The following TTN variants were observed in gnomAD, a reference collection of about 807,000 sequenced individuals.
The protein encoded by TTN is titin, also known as connectin.
A neutral mutation model predicts 3,223.0 loss-of-function variants in TTN; 1,525 were observed. The ratio of observed to expected loss-of-function variants is 0.47; its 90% CI spans 0.45 to 0.49. The LOEUF (loss-of-function observed/expected upper bound fraction) is 0.49. Among genes scored for constraint, TTN ranks in the 20% least tolerant of loss-of-function variants. The probability of loss-of-function intolerance (pLI) is 0.00; values close to 1 mark genes in which losing one functional copy is unlikely to be tolerated. For synonymous variants in TTN, 14,094 were observed against 15,161.0 expected, an observed-to-expected ratio of 0.93 and a Z score of 5.17; for missense variants, 40,786 against 43,424.0, an observed-to-expected ratio of 0.94 and a Z score of 5.40.
At chr2:178,737,969 G>T in intron 49 of TTN, 113 bp downstream of exon 49, 2 of 1,376,042 alleles carry the variant, frequency 1.5e-6, no homozygotes, top group Non-Finnish European at 2.0e-6. Context: ...TACTGTCTTG[G>T]TTGTTGGTCT....
chr2:178,773,020 A>G lies in TTN; in HGVS notation c.7855+89T>C, dbSNP rs1323392843. On this transcript the variant is annotated intron_variant, in intron 33 of 362. Transcript: ENST00000589042. Reference sequence around the variant, plus strand: ...CATAAGCAGAGGCATGGAAGTGGGAAACTGAAAGGAATTTTGGGGGAAATG... The same window carrying G: ...CATAAGCAGAGGCATGGAAGTGGGAGACTGAAAGGAATTTTGGGGGAAATG... The G allele has an allele frequency of 2.0e-5, 32 of 1,566,236 alleles. No individual in the cohort carries two copies. The Admixed American group carries it at 5.3e-4, about 26-fold the overall frequency.
At position 178,570,226 on chromosome 2, in the gene TTN, A is replaced by C; in HGVS notation, c.75906T>G (p.Phe25302Leu). 1 of 1,613,444 alleles carries C rather than the reference A, an allele frequency of 6.2e-7. No individual in the cohort carries two copies. Among genetic ancestry groups the C allele is most frequent in the Non-Finnish European group, 8.5e-7 (1 of 1,179,622 alleles). ...ESEPVVAKNP[F>L]VVPDAPKAPE... is the part of the protein sequence containing the mutation. Reference sequence around the variant, plus strand: ...GAGCTTTTGGTGCATCTGGTACTACAAATGGATTCTTGGCAACTACTGGCT... The same window carrying C: ...GAGCTTTTGGTGCATCTGGTACTACCAATGGATTCTTGGCAACTACTGGCT... Residue 25302 changes from phenylalanine (F) to leucine (L), a missense_variant, in exon 326 of 363, where the codon TTT becomes TTG. Physicochemically the swap from Phe to Leu is conservative, Grantham distance 22 (BLOSUM62 0). Coordinates refer to ENST00000589042, the MANE Select transcript of TTN (RefSeq NM_001267550.2).
At position 178,574,562 on chromosome 2, in the gene TTN, G is replaced by A; in HGVS notation, c.71570C>T (p.Pro23857Leu). The A allele has an allele frequency of 6.2e-7, 1 of 1,613,444 alleles. No individual in the cohort carries two copies. Among genetic ancestry groups the A allele is most frequent in the Non-Finnish European group, 8.5e-7 (1 of 1,179,610 alleles). ...TCTTTCAACATGATATCCTAAAATG[G>A]GGCTTCCACCATCAGAAAGTGGCTC... ...WHEPLSDGGS[P>L]ILGYHVERKE... The change falls in exon 326 of 363, where the codon CCC becomes CTC. Residue 23857 changes from proline to leucine, a missense_variant. Coordinates refer to ENST00000589042, the MANE Select transcript of TTN (RefSeq NM_001267550.2).
chr2:178,693,496 A>T, intron 119 of TTN, 113 bp downstream of exon 119: 1 of 695,278 alleles, frequency 1.4e-6, no homozygotes, highest in Non-Finnish European at 2.2e-6. Context: ...TAGTGGCTAT[A>T]GGTATGCACA....
rs1249356656 is a variant in TTN, at chr2:178,663,673, T to C, written c.36486A>G (p.Lys12162=). Residue 12162 remains lysine (K), a synonymous_variant, in exon 171 of 363, where the codon AAA becomes AAG. Transcript: ENST00000589042. ...GCTCTTTAGGAGGAGCCACTGGCGC[T>C]TTCTTTTCAGGAACTACTTCTTTGG... ...EPPKEVVPEK[K]APVAPPKEPE... is the part of the protein sequence containing the mutation. 1.2e-6 allele frequency: 2 copies of C among 1,613,642 alleles called. No individual in the cohort carries two copies. The highest frequency in any genetic ancestry group is 1.7e-5 in the Admixed American group (1 of 59,944).
Position 178,581,640 on chromosome 2 carries a change from G to C in TTN, c.66628C>G (p.Gln22210Glu). 6.2e-7 allele frequency: 1 copy of C among 1,612,808 alleles called. No homozygotes were observed. The highest frequency in any genetic ancestry group is 2.2e-5 in the East Asian group (1 of 44,640). Residue 22210 changes from glutamine (Q) to glutamate (E), a missense_variant, in exon 316 of 363, where the codon CAG becomes GAG. Physicochemically the swap from Gln to Glu is conservative, Grantham distance 29 (BLOSUM62 2). Transcript: ENST00000589042. ...TCAAAGCGGGTTTTCTGTAGATTCT[G>C]TGGTAAGTTGCACCTCACCCAGTTA... ...SDNWVRCNLPQNLQKTRFEVT... is the reference protein window; with the variant it reads ...SDNWVRCNLPENLQKTRFEVT...
chr2:178,793,280 G>C lies in TTN; in HGVS notation c.1536+124C>G, dbSNP rs529498141. ...CCCAGAAATTTACACATACAACAAGGGGATCTTATTAGTATGCTAACAACC... is the reference window on the plus strand; with the variant it reads ...CCCAGAAATTTACACATACAACAAGCGGATCTTATTAGTATGCTAACAACC... On this transcript the variant is annotated intron_variant, in intron 9 of 362. Transcript: ENST00000589042. The C allele has an allele frequency of 7.2e-6, 10 of 1,396,580 alleles. No individual in the cohort carries two copies. In the East Asian group the frequency reaches 2.1e-4, roughly 29 times the overall value. 86.5% of individuals were successfully genotyped at this position (1,396,580 alleles called of 1,614,324 possible).
At position 178,624,587 on chromosome 2, in the gene TTN, T is replaced by C; in HGVS notation, c.44693A>G (p.Tyr14898Cys). ...NGTEILKSKK[Y>C]EIVADGRVRK... ...GACCCTGCCATCAGCAACAATTTCA[T>C]ACTTCTTGCTTTTGAGGATTTCTGT... is the stretch of plus-strand genomic sequence containing the variant. Residue 14898 changes from tyrosine to cysteine, a missense_variant, in exon 242 of 363, where the codon TAT (tyrosine) becomes TGT (cysteine). Physicochemically the swap from Tyr to Cys is radical, Grantham distance 194. Coordinates refer to ENST00000589042, the MANE Select transcript of TTN (RefSeq NM_001267550.2). 1 of 1,612,738 alleles carries C rather than the reference T, an allele frequency of 6.2e-7. No individual in the cohort carries two copies. Among genetic ancestry groups the C allele is most frequent in the Non-Finnish European group, 8.5e-7 (1 of 1,179,172 alleles).
At chr2:178,749,438 T>C (rs959063532) in intron 47 of TTN, 3 of 1,613,070 alleles carry the variant, frequency 1.9e-6, no homozygotes, top group Non-Finnish European at 2.5e-6. Context: ...CACCTGCTCT[T>C]TCTGGTCTAT....
Position 178,542,347 on chromosome 2 carries a change from T to A in TTN, c.97409A>T (p.Tyr32470Phe). Residue 32470 changes from tyrosine (Y) to phenylalanine (F), a missense_variant, in exon 349 of 363, where the codon TAT (tyrosine) becomes TTT (phenylalanine). Transcript: ENST00000589042. ...GTTTGTTGCAGCCACACGGAACACA[T>A]ACTCATTTCCTTCGGTGAGTCTGGT... ...KFTRLTEGNE[Y>F]VFRVAATNRF... 6.2e-7 allele frequency: 1 copy of A among 1,613,468 alleles called. No homozygotes were observed. Among genetic ancestry groups the A allele is most frequent in the Non-Finnish European group, 8.5e-7 (1 of 1,179,678 alleles).
intron 41 of TTN, among the ~76,000 whole-genome samples, chr2:178,765,913 C>T (rs1441322387): frequency 1.3e-5 from 2 of 152,100 alleles, no homozygotes; most frequent in South Asian, 2.1e-4. Context: ...TAGAGAGGAT[C>T]GAGTTCCACA....
At position 178,602,288 on chromosome 2, in the gene TTN, T is replaced by A. The variant is rs2053659265; in HGVS notation, c.55114A>T (p.Ile18372Phe). ...ACTGAGTAAGTACTAGTACCTTGAA[T>A]ATCAGTGGCAGGGATCTCCCCAGTT... ...DTTGEIPATD[I>F]QEEPEVFIDI... is the part of the protein sequence containing the mutation. Residue 18372 changes from isoleucine to phenylalanine, a missense_variant, in exon 283 of 363, where the codon ATT (isoleucine) becomes TTT (phenylalanine). Ile to Phe is a conservative substitution (Grantham distance 21). Transcript: ENST00000589042. The A allele has an allele frequency of 6.2e-7, 1 of 1,612,544 alleles. No homozygotes were observed. The highest frequency in any genetic ancestry group is 1.1e-5 in the South Asian group (1 of 90,984).
chr2:178,773,929 G>A lies in TTN; in HGVS notation c.7239C>T (p.Leu2413=), dbSNP rs1574622425. 1.2e-6 allele frequency: 2 copies of A among 1,613,946 alleles called. No individual in the cohort carries two copies. The highest frequency in any genetic ancestry group is 1.7e-6 in the Non-Finnish European group (2 of 1,179,984). Residue 2413 remains leucine (L), a synonymous_variant, in exon 31 of 363, where the codon CTC becomes CTT. Coordinates refer to ENST00000589042, the MANE Select transcript of TTN (RefSeq NM_001267550.2). ...IVIDKQSHML[L]IEDMTKEDAG... ...CATCTTCCTTAGTCATGTCTTCAAT[G>A]AGCAGCATATGAGATTGTTTGTCTA...
rs750078230 is a variant in TTN, at chr2:178,539,773, T to C, written c.98292A>G (p.Glu32764=). Residue 32764 remains glutamate, a synonymous_variant, in exon 352 of 363, where the codon GAA becomes GAG. Coordinates refer to ENST00000589042, the MANE Select transcript of TTN (RefSeq NM_001267550.2). ...AAGTGCCAGAATCACCCCTGTCTGC[T>C]TCTTTGATCACAAGCTCAGTGTGTG... is the stretch of plus-strand genomic sequence containing the variant. The part of the protein sequence containing the change: ...SETHTELVIK[E]ADRGDSGTYD... The C allele has an allele frequency of 2.2e-5, 35 of 1,613,766 alleles. No homozygotes were observed. Among genetic ancestry groups the C allele is most frequent in the Non-Finnish European group, 2.8e-5 (33 of 1,179,800 alleles).
chr2:178,537,523 C>A lies in TTN; in HGVS notation c.99684G>T (p.Met33228Ile). The change falls in exon 355 of 363, where the codon ATG (methionine) becomes ATT (isoleucine). Residue 33228 changes from methionine (M) to isoleucine (I), a missense_variant. By Grantham distance (10) the Met-to-Ile change is conservative. Transcript: ENST00000589042. ...VMYIGRPVPA[M>I]TWFHGQKLLQ... is the part of the protein sequence containing the mutation. Reference sequence around the variant, plus strand: ...AAAGTTTCTGACCATGGAACCAAGTCATGGCAGGTACTGGACGACCAATGT... The same window carrying A: ...AAAGTTTCTGACCATGGAACCAAGTAATGGCAGGTACTGGACGACCAATGT... The A allele has an allele frequency of 1.2e-6, 2 of 1,613,736 alleles. No homozygotes were observed. The highest frequency in any genetic ancestry group is 1.7e-6 in the Non-Finnish European group (2 of 1,179,758).
At chr2:178,701,702 A>C in intron 109 of TTN, 115 bp from the exon 110 acceptor site, 1 of 1,018,074 alleles carries the variant, frequency 9.8e-7, no homozygotes, top group Non-Finnish European at 1.5e-6. Context: ...CTAATGGCAG[A>C]ATCTAATATA....
Position 178,552,619 on chromosome 2 carries a change from T to G in TTN, c.90281A>C (p.Lys30094Thr). The G allele has an allele frequency of 6.2e-7, 1 of 1,613,946 alleles. No homozygotes were observed. Among genetic ancestry groups the G allele is most frequent in the Non-Finnish European group, 8.5e-7 (1 of 1,179,842 alleles). The change falls in exon 335 of 363, where the codon AAG becomes ACG. Residue 30094 changes from lysine (K) to threonine (T), a missense_variant. Coordinates refer to ENST00000589042, the MANE Select transcript of TTN (RefSeq NM_001267550.2). The part of the protein sequence containing the change: ...KTCEIEVSQL[K>T]EQSVLEFRVF... ...TCTGAACTCCAGGACTGACTGCTCC[T>G]TAAGTTGGCTAACCTCAATTTCACA...
rs368226720 is a variant in TTN at position 178,719,239 on chromosome 2, C to T, written c.24151G>A (p.Asp8051Asn). Residue 8051 changes from aspartate (D) to asparagine (N), a missense_variant, in exon 83 of 363, where the codon GAC becomes AAC. By Grantham distance (23) the Asp-to-Asn change is conservative. Coordinates refer to ENST00000589042, the MANE Select transcript of TTN (RefSeq NM_001267550.2). ...TLNLSLLEPS[D>N]TGIYTCVAAN... ...GCCACACACGTGTATATGCCTGTGT[C>T]GGAGGGCTCCAACAAGCTCAGATTC... 9.3e-6 allele frequency: 15 copies of T among 1,613,702 alleles called. No homozygotes were observed. The highest frequency in any genetic ancestry group is 2.2e-5 in the South Asian group (2 of 91,072).
Position 178,740,673 on chromosome 2 carries a change from C to T in TTN, c.12560G>A (p.Ser4187Asn), listed in dbSNP as rs770315440. 5.6e-6 allele frequency: 9 copies of T among 1,613,794 alleles called. No homozygotes were observed. In the East Asian group the frequency reaches 2.0e-4, roughly 36 times the overall value. Residue 4187 changes from serine to asparagine, a missense_variant, in exon 48 of 363, where the codon AGT becomes AAT. Coordinates refer to ENST00000589042, the MANE Select transcript of TTN (RefSeq NM_001267550.2). ...ATTAATTTGTTCTATGGACATGGCA[C>T]TTGGGAAGATTTTCTCGGTATCTGA... ...VLSDTEKIFP[S>N]AMSIEQINSL...
Sources: allele counts gnomAD v4.1 joint callset (sites outside exome capture counted in the v4.1 genomes callset), GRCh38; gene constraint gnomAD v4.1.1; transcripts MANE v1.5; gene names NCBI Gene and HGNC (gene_info 2026-07-23, HGNC 2026-07-21).